Variants in DPF3 observed in about 807,000 individuals in gnomAD.
DPF3 encodes zinc finger protein DPF3.
DPF3 carries 18 observed loss-of-function variants against 56.8 expected under a neutral mutation model. The observed-to-expected ratio is 0.32, with a 90% CI of 0.22 to 0.47. The LOEUF (loss-of-function observed/expected upper bound fraction) is 0.47, where lower values mean the gene tolerates loss of function less well. DPF3 is among the 20% of genes least tolerant of loss of function. The pLI is 1.00. For synonymous variants in DPF3, 188 were observed against 180.2 expected, an observed-to-expected ratio of 1.04 and a Z score of -0.35; for missense variants, 403 against 488.8, an observed-to-expected ratio of 0.82 and a Z score of 1.65.
intron 7 of DPF3, among the ~76,000 whole-genome samples, chr14:72,683,472 T>TG (rs34317537): frequency 0.98 from 149,208 of 152,204 alleles, 73,149 homozygotes; most frequent in East Asian, 1. Flanking sequence ...ATGGCTTTAA[T>TG]TGGTGTGACA....
At chr14:72,825,552 A>G (rs182359858) in intron 1 of DPF3, among the ~76,000 whole-genome samples, 2 of 152,368 alleles carry the variant, frequency 1.3e-5, no homozygotes, top group Admixed American at 1.3e-4. Flanking sequence ...AAAATTTCAC[A>G]GGATCACCTG....
chr14:72,875,787 CACAGGTAG>C (rs2140117501), intron 1 of DPF3, among the ~76,000 whole-genome samples: 1 of 152,280 alleles, frequency 6.6e-6, no homozygotes, highest in South Asian at 2.1e-4. Context: ...GTGGCCAGCA[CACAGGTAG>C]ACAGCTGCAG....
At chr14:72,810,832 T>C (rs1210146116) in intron 1 of DPF3, among the ~76,000 whole-genome samples, 1 of 152,212 alleles carries the variant, frequency 6.6e-6, no homozygotes, top group African/African-American at 2.4e-5. Context: ...CAGATATAGT[T>C]AGTCAAGATG....
intron 1 of DPF3, among the ~76,000 whole-genome samples, chr14:72,787,143 T>C (rs1194430413): frequency 6.6e-6 from 1 of 152,270 alleles, no homozygotes. Flanking sequence ...ACTGTCTTTA[T>C]GGCTTCCTCT....
At chr14:72,636,946 T>C (rs913562498) in intron 8 of DPF3, among the ~76,000 whole-genome samples, 2 of 152,230 alleles carry the variant, frequency 1.3e-5, no homozygotes, top group Admixed American at 6.5e-5. Flanking sequence ...TGCCCTTTCT[T>C]GGGCAAAACA....
intron 1 of DPF3, among the ~76,000 whole-genome samples, chr14:72,881,462 T>G (rs1379723210): frequency 6.6e-6 from 1 of 152,076 alleles, no homozygotes; most frequent in Non-Finnish European, 1.5e-5. Flanking sequence ...GTATTCTCCC[T>G]GTGTCGATAG....
intron 4 of DPF3, among the ~76,000 whole-genome samples, chr14:72,725,137 G>A (rs547299350): frequency 5.3e-5 from 8 of 152,206 alleles, no homozygotes; most frequent in African/African-American, 1.9e-4. Flanking sequence ...CATTTATCTA[G>A]TGCTGACTAC....
chr14:72,688,097 C>T (rs904165643), intron 7 of DPF3, among the ~76,000 whole-genome samples: 2 of 149,752 alleles, frequency 1.3e-5, no homozygotes, highest in African/African-American at 4.9e-5. Flanking sequence ...AGACAATATT[C>T]AATACATGGT....
intron 1 of DPF3, among the ~76,000 whole-genome samples, chr14:72,872,540 A>G (rs147142418): frequency 0.016 from 2,366 of 152,292 alleles, 39 homozygotes; most frequent in South Asian, 0.076. Flanking sequence ...CAAGCTACCA[A>G]TGACTTTCTT....
intron 8 of DPF3, among the ~76,000 whole-genome samples, chr14:72,668,253 T>C (rs1886520111): frequency 6.6e-6 from 1 of 152,156 alleles, no homozygotes; most frequent in Admixed American, 6.5e-5. Flanking sequence ...GCAATGCCCA[T>C]CCCAGTCCCT....
chr14:72,710,708 A>G (rs1888617138), intron 6 of DPF3, among the ~76,000 whole-genome samples: 1 of 152,218 alleles, frequency 6.6e-6, no homozygotes, highest in Non-Finnish European at 1.5e-5. Context: ...ACAAACACCA[A>G]CAGACTTTTC....
chr14:72,815,730 C>T (rs1331873843), intron 1 of DPF3, among the ~76,000 whole-genome samples: 1 of 152,200 alleles, frequency 6.6e-6, no homozygotes, highest in Admixed American at 6.5e-5. Flanking sequence ...TAGCTTAAAA[C>T]AACACAGATT....
At position 72,629,222 on chromosome 14, in the gene DPF3, G is replaced by A. The variant is rs1885021823; in HGVS notation, c.984+402C>T. Among the ~76,000 whole-genome samples the A allele has an allele frequency of 3.3e-5, 5 of 152,168 alleles. No individual in the cohort carries two copies. In the South Asian group the frequency reaches 1.0e-3, roughly 32 times the overall value. ...TTATGACGGAGACTATGGAGAGGGA[G>A]GTCATGGTATTTATGAAATAAGATT... On this transcript the variant is annotated intron_variant, in intron 9 of 10. Transcript: ENST00000556509.
At chr14:72,779,891 T>C (rs1891899429) in intron 1 of DPF3, among the ~76,000 whole-genome samples, 2 of 152,208 alleles carry the variant, frequency 1.3e-5, no homozygotes, top group Non-Finnish European at 2.9e-5. Context: ...ACAGAAGGCC[T>C]CTGGGTCACC....
At chr14:72,695,828 T>TATG (rs1887877443) in intron 6 of DPF3, among the ~76,000 whole-genome samples, 2 of 151,870 alleles carry the variant, frequency 1.3e-5, no homozygotes, top group African/African-American at 4.8e-5. Context: ...CAAACCTGAA[T>TATG]CTAAAAAAAT....
At chr14:72,698,546 G>T (rs762560660) in intron 6 of DPF3, among the ~76,000 whole-genome samples, 1 of 152,186 alleles carries the variant, frequency 6.6e-6, no homozygotes, top group Non-Finnish European at 1.5e-5. Context: ...AATTAGCCAC[G>T]TGTGGTGGTG....
intron 7 of DPF3, among the ~76,000 whole-genome samples, chr14:72,676,967 G>T (rs1372005231): frequency 6.6e-6 from 1 of 152,202 alleles, no homozygotes; most frequent in Non-Finnish European, 1.5e-5. Flanking sequence ...ATCTAGTAGA[G>T]CTAAGCAGGC....
chr14:72,765,555 C>T (rs1055068275), intron 2 of DPF3, among the ~76,000 whole-genome samples: 1 of 152,144 alleles, frequency 6.6e-6, no homozygotes, highest in Non-Finnish European at 1.5e-5. Context: ...TACAGCCATG[C>T]AATGGACTAC....
Position 72,612,494 on chromosome 14 carries a change from A to G in DPF3, c.*6803T>C, listed in dbSNP as rs1486734279. ...TACATGTTGAAAATGTGCACGGGGTATATTTTCTTTTTCCTATACGCCACT... is the reference window on the plus strand; with the variant it reads ...TACATGTTGAAAATGTGCACGGGGTGTATTTTCTTTTTCCTATACGCCACT... On this transcript the variant is annotated 3_prime_UTR_variant, in exon 11 of 11. Coordinates refer to ENST00000556509, the MANE Select transcript of DPF3 (RefSeq NM_001280542.3). 1 of 518,314 alleles carries G rather than the reference A, an allele frequency of 1.9e-6. No homozygotes were observed. The allele number at this position is 518,314 out of a possible 1,614,324, so 32.1% of individuals were successfully genotyped here.
Sources: allele counts gnomAD v4.1 joint callset (sites outside exome capture counted in the v4.1 genomes callset), GRCh38; gene constraint gnomAD v4.1.1; transcripts MANE v1.5; gene names NCBI Gene and HGNC (gene_info 2026-07-23, HGNC 2026-07-21).